The following DPP6 variants were observed in gnomAD, a reference collection of about 807,000 sequenced individuals.
DPP6 encodes the protein A-type potassium channel modulatory protein DPP6.
In DPP6, 69 loss-of-function variants were observed where a neutral mutation model predicts 122.6. The observed-to-expected ratio is 0.56, with a 90% confidence interval of 0.46 to 0.69. The LOEUF is 0.69. Ranked by LOEUF, DPP6 falls within the 30% of genes least tolerant of loss-of-function variation. The pLI, the probability that DPP6 is intolerant of heterozygous loss-of-function variation, is 0.00. For missense variants in DPP6, 928 were observed against 1,116.9 expected, an observed-to-expected ratio of 0.83 and a Z score of 2.41; for synonymous variants, 418 against 433.1, an observed-to-expected ratio of 0.97 and a Z score of 0.43.
rs547665740 is a variant in DPP6, at chr7:154,197,362, C to T, written c.243+144299C>T. ...TTCCTGTGCCTCTGTGTGCTCTGTGCTCCTTCTCCCTAACTAGATCCCCAC... is the reference window on the plus strand; with the variant it reads ...TTCCTGTGCCTCTGTGTGCTCTGTGTTCCTTCTCCCTAACTAGATCCCCAC... On this transcript the variant is annotated intron_variant, in intron 1 of 25. Transcript: ENST00000377770. Among the ~76,000 whole-genome samples, 4 of 152,210 alleles carry T rather than the reference C, an allele frequency of 2.6e-5. No individual in the cohort carries two copies. The South Asian group carries it at 8.3e-4, about 32-fold the overall frequency.
At chr7:154,560,786 G>A (rs919351562) in intron 4 of DPP6, among the ~76,000 whole-genome samples, 8 of 151,838 alleles carry the variant, frequency 5.3e-5, no homozygotes, top group Admixed American at 2.0e-4. Context: ...GGGAGGCTGA[G>A]GCAGGACAAT....
chr7:154,515,628 AC>A (rs1826426387), intron 3 of DPP6, among the ~76,000 whole-genome samples: 1 of 152,056 alleles, frequency 6.6e-6, no homozygotes, highest in African/African-American at 2.4e-5. Context: ...GGCACGTGCT[AC>A]CATGCTTGGC....
intron 3 of DPP6, among the ~76,000 whole-genome samples, chr7:154,487,297 T>A (rs998328544): frequency 6.6e-6 from 1 of 152,194 alleles, no homozygotes; most frequent in Non-Finnish European, 1.5e-5. Flanking sequence ...CAGGTCATTA[T>A]ACGGTTGTTT....
rs151086851 is a variant in DPP6, at chr7:153,980,700, G to A, written c.51+92966G>A. On this transcript the variant is annotated intron_variant, in intron 1 of 25. Transcript: ENST00000404039. ...TGGGTGTTTAGTGCCATAAATGTCC[G>A]TCTAAATACTGCTTTAGCTTTGTCC... is the stretch of plus-strand genomic sequence containing the variant. Among the ~76,000 whole-genome samples the A allele has an allele frequency of 4.0e-3, 602 of 152,130 alleles. 4 individuals are homozygous for A. Among genetic ancestry groups the A allele is most frequent in the African/African-American group, 0.013 (538 of 41,518 alleles).
At chr7:154,207,279 T>G (rs1327470584) in intron 1 of DPP6, among the ~76,000 whole-genome samples, 1 of 152,208 alleles carries the variant, frequency 6.6e-6, no homozygotes, top group East Asian at 1.9e-4. Flanking sequence ...CATTTTGAAT[T>G]TGCAATTGTA....
intron 3 of DPP6, among the ~76,000 whole-genome samples, chr7:154,478,198 T>C (rs1822924309): frequency 6.6e-6 from 1 of 152,170 alleles, no homozygotes; most frequent in East Asian, 1.9e-4. Flanking sequence ...GGGAAAAGAT[T>C]ACTACAAATC....
intron 1 of DPP6, among the ~76,000 whole-genome samples, chr7:154,340,650 T>C (rs1297234241): frequency 6.6e-6 from 1 of 152,260 alleles, no homozygotes; most frequent in Non-Finnish European, 1.5e-5. Context: ...TTTTTAGATA[T>C]TGAATCCAGA....
At chr7:154,163,815 C>T (rs1246415273) in intron 1 of DPP6, among the ~76,000 whole-genome samples, 1 of 152,214 alleles carries the variant, frequency 6.6e-6, no homozygotes, top group Non-Finnish European at 1.5e-5. Flanking sequence ...ACCTGGGCCA[C>T]TACTGTGCAG....
At chr7:154,653,601 TGATTGATA>T (rs1837027207) in intron 6 of DPP6, among the ~76,000 whole-genome samples, 1 of 150,410 alleles carries the variant, frequency 6.6e-6, no homozygotes. Context: ...ATAGACTGAT[TGATTGATA>T]GATGATAGAC....
In DPP6 at chr7:154,760,127, C is replaced by T. The variant is rs1026062148; in HGVS notation, c.884-9290C>T. 6.6e-6 allele frequency among the ~76,000 whole-genome samples: 1 copy of T among 151,552 alleles called. No individual in the cohort carries two copies. Among genetic ancestry groups the T allele is most frequent in the South Asian group, 2.1e-4 (1 of 4,816 alleles). On this transcript the variant is annotated intron_variant, in intron 8 of 25. Coordinates refer to ENST00000377770, the MANE Select transcript of DPP6 (RefSeq NM_130797.4). The surrounding 1 kb of genome is among the most constrained non-coding windows in gnomAD (Gnocchi z 4.5). Reference sequence around the variant, plus strand: ...GACAGAGCGAGATTCTGTCTCAAAACAAAAAAAAGTCTATTCCCAAGGAGA... The same window carrying T: ...GACAGAGCGAGATTCTGTCTCAAAATAAAAAAAAGTCTATTCCCAAGGAGA...
At chr7:153,892,260 G>A (rs1799234700) in intron 1 of DPP6, among the ~76,000 whole-genome samples, 1 of 152,160 alleles carries the variant, frequency 6.6e-6, no homozygotes, top group Non-Finnish European at 1.5e-5. Flanking sequence ...GTGAGCAGAG[G>A]CTCGTTGAGG....
At chr7:154,633,620 A>T (rs1835541643) in intron 5 of DPP6, among the ~76,000 whole-genome samples, 1 of 152,236 alleles carries the variant, frequency 6.6e-6, no homozygotes, top group African/African-American at 2.4e-5. Flanking sequence ...TAAGGAACAA[A>T]TTCTTTCAGT....
intron 1 of DPP6, among the ~76,000 whole-genome samples, chr7:154,176,216 G>A (rs949163943): frequency 6.6e-6 from 1 of 152,174 alleles, no homozygotes; most frequent in Non-Finnish European, 1.5e-5. Flanking sequence ...TCTGGAAATC[G>A]GTTGCATTCT....
At chr7:154,583,072 G>A (rs1832187154) in intron 5 of DPP6, among the ~76,000 whole-genome samples, 1 of 152,166 alleles carries the variant, frequency 6.6e-6, no homozygotes, top group Admixed American at 6.5e-5. Flanking sequence ...ACTGGTAACT[G>A]TACTTGGCCC....
chr7:154,387,515 C>G (rs1379444041), intron 1 of DPP6, among the ~76,000 whole-genome samples: 1 of 152,202 alleles, frequency 6.6e-6, no homozygotes, highest in East Asian at 1.9e-4. Context: ...GGGCCCAGGC[C>G]ATGGACATAG....
intron 18 of DPP6, among the ~76,000 whole-genome samples, chr7:154,869,174 G>A (rs377603520): frequency 7.2e-5 from 11 of 152,150 alleles, no homozygotes; most frequent in Non-Finnish European, 1.0e-4. Flanking sequence ...TCCCTAGACC[G>A]TCTCTGGAAC....
intron 1 of DPP6, among the ~76,000 whole-genome samples, chr7:154,248,405 C>T: frequency 6.6e-6 from 1 of 151,736 alleles, no homozygotes; most frequent in African/African-American, 2.4e-5. Flanking sequence ...TAAGAAGCCC[C>T]AGAGCAGGGA....
At chr7:154,317,072 G>A (rs1444801799) in intron 1 of DPP6, among the ~76,000 whole-genome samples, 2 of 152,158 alleles carry the variant, frequency 1.3e-5, no homozygotes, top group Non-Finnish European at 2.9e-5. Context: ...AGATTTGGCT[G>A]TCTCCCTGTC....
At chr7:154,510,545 A>G (rs1825984410) in intron 3 of DPP6, among the ~76,000 whole-genome samples, 1 of 152,000 alleles carries the variant, frequency 6.6e-6, no homozygotes, top group Non-Finnish European at 1.5e-5. Context: ...TAAAAATACA[A>G]AAAATTAGCC....
Sources: gnomAD v4.1 joint callset for allele counts (sites outside exome capture counted in the v4.1 genomes callset) on GRCh38, gnomAD v4.1.1 for gene constraint, Gnocchi (gnomAD v3.1) non-coding constraint, MANE v1.5 for transcripts, NCBI Gene and HGNC (gene_info 2026-07-23, HGNC 2026-07-21) for gene names.